ACKR5: variants seen among roughly 807,000 people sequenced by gnomAD.
The protein encoded by ACKR5 is atypical chemokine receptor 5.
the ACKR5 span, chr12:56,996,106 C>T: frequency 6.2e-7 from 1 of 1,613,758 alleles, no homozygotes; most frequent in South Asian, 1.1e-5. Context: ...ACCTGCTCTA[C>T]TTCTTCTATG....
chr12:56,996,567 G>C, the ACKR5 span: 1 of 715,014 alleles, frequency 1.4e-6, no homozygotes, highest in South Asian at 2.0e-5. Context: ...TGTGGAGAGA[G>C]AGACAGGATC....
the ACKR5 span, chr12:56,995,236 T>C: frequency 1.2e-6 from 2 of 1,613,806 alleles, no homozygotes; most frequent in Non-Finnish European, 8.5e-7. The surrounding 1 kb of genome is among the most constrained non-coding windows in gnomAD (Gnocchi z 4.7). Flanking sequence ...GCTGGGGGCC[T>C]GGCCCCTCGG....
At chr12:56,998,802 A>G in the ACKR5 span, 1 of 152,656 alleles carries the variant, frequency 6.6e-6, no homozygotes, top group East Asian at 1.9e-4. Flanking sequence ...TCCAGGTATG[A>G]GCATATTCAT....
the ACKR5 span, chr12:56,996,162 T>A: frequency 6.2e-7 from 1 of 1,614,062 alleles, no homozygotes; most frequent in Non-Finnish European, 8.5e-7. Context: ...ATCAACCCCA[T>A]CCTTTACAAC....
chr12:56,996,696 TTTAA>T, the ACKR5 span: 2 of 374,182 alleles, frequency 5.3e-6, no homozygotes, highest in Non-Finnish European at 9.8e-6. Context: ...CTCTGGATCT[TTTAA>T]AAATCTGCAC....
At chr12:56,996,565 G>C in the ACKR5 span, 2 of 714,682 alleles carry the variant, frequency 2.8e-6, no homozygotes, top group African/African-American at 3.6e-5. Context: ...GGTGTGGAGA[G>C]AGAGACAGGA....
At chr12:56,996,527 C>A in the ACKR5 span, 3 of 1,016,758 alleles carry the variant, frequency 3.0e-6, no homozygotes, top group South Asian at 3.3e-5. Flanking sequence ...CACTCGTGGT[C>A]AATTTTGAAT....
chr12:56,996,273 G>A, the ACKR5 span: 5 of 1,614,012 alleles, frequency 3.1e-6, no homozygotes, highest in Non-Finnish European at 4.2e-6. Flanking sequence ...TCTTCCTCCT[G>A]TTCCACCCAG....
At chr12:56,998,609 C>G in the ACKR5 span, among the ~76,000 whole-genome samples, 1 of 152,188 alleles carries the variant, frequency 6.6e-6, no homozygotes, top group Non-Finnish European at 1.5e-5. Flanking sequence ...ACGGAGGATC[C>G]TCTCAGGGAT....
chr12:56,996,552 T>C, the ACKR5 span: 1 of 787,488 alleles, frequency 1.3e-6, no homozygotes, highest in Non-Finnish European at 2.0e-6. Context: ...CTTAAAATAC[T>C]GAGGTGTGGA....
At chr12:56,996,946 A>G in the ACKR5 span, 1 of 154,732 alleles carries the variant, frequency 6.5e-6, no homozygotes, top group East Asian at 1.9e-4. Context: ...CTAGCTGTGC[A>G]TCCTATGCAC....
chr12:56,995,902 C>G, the ACKR5 span: 4 of 1,612,478 alleles, frequency 2.5e-6, no homozygotes, highest in Non-Finnish European at 3.4e-6. This position sits in a 1 kb window ranked among gnomAD's most constrained non-coding sequence, Gnocchi z 4.7. Flanking sequence ...TGCTGCCCTT[C>G]CCTCTCATCA....
At chr12:56,996,151 C>T in the ACKR5 span, 160 of 1,613,956 alleles carry the variant, frequency 9.9e-5, no homozygotes, top group Admixed American at 4.3e-4. Flanking sequence ...TGCACTGTGT[C>T]ATCAACCCCA....
the ACKR5 span, chr12:56,995,789 C>A: frequency 2.5e-6 from 4 of 1,614,014 alleles, no homozygotes; most frequent in Non-Finnish European, 3.4e-6. This position sits in a 1 kb window ranked among gnomAD's most constrained non-coding sequence, Gnocchi z 4.7. Flanking sequence ...CCACATCCAG[C>A]TGGTGGAGGG....
At chr12:56,996,020 T>C in the ACKR5 span, 4 of 1,610,380 alleles carry the variant, frequency 2.5e-6, no homozygotes, top group South Asian at 2.2e-5. Context: ...TGTCATGTGC[T>C]GGCTGCCCTA....
the ACKR5 span, chr12:56,995,670 C>T: frequency 1.2e-6 from 2 of 1,613,978 alleles, no homozygotes. This position sits in a 1 kb window ranked among gnomAD's most constrained non-coding sequence, Gnocchi z 4.7. Flanking sequence ...CGCTATGTCA[C>T]CCTCACCAGC....
the ACKR5 span, chr12:56,995,403 T>C: frequency 6.2e-7 from 1 of 1,614,178 alleles, no homozygotes; most frequent in Non-Finnish European, 8.5e-7. This position sits in a 1 kb window ranked among gnomAD's most constrained non-coding sequence, Gnocchi z 4.7. Flanking sequence ...GCCATGTTTG[T>C]GGTTGGGCTG....
the ACKR5 span, chr12:56,995,736 G>A: frequency 1.2e-6 from 2 of 1,613,850 alleles, no homozygotes; most frequent in South Asian, 1.1e-5. This position sits in a 1 kb window ranked among gnomAD's most constrained non-coding sequence, Gnocchi z 4.7. Flanking sequence ...ATGTGTGCAG[G>A]CATCTGGGTC....
chr12:56,995,870 T>C, the ACKR5 span: 1 of 1,612,164 alleles, frequency 6.2e-7, no homozygotes, highest in Non-Finnish European at 8.5e-7. This position sits in a 1 kb window ranked among gnomAD's most constrained non-coding sequence, Gnocchi z 4.7. Flanking sequence ...GGTGGCCCTG[T>C]CCACCACCAT....
Sources: gnomAD v4.1 joint callset for allele counts (sites outside exome capture counted in the v4.1 genomes callset) on GRCh38, gnomAD v4.1.1 for gene constraint, Gnocchi (gnomAD v3.1) non-coding constraint, MANE v1.5 for transcripts, NCBI Gene and HGNC (gene_info 2026-07-23, HGNC 2026-07-21) for gene names.